Variants in CCDC180 observed in about 807,000 individuals in gnomAD.
CCDC180 encodes the protein coiled-coil domain containing 180, also known as coiled-coil domain-containing protein 180.
CCDC180 carries 154 observed loss-of-function variants against 209.2 expected under a neutral mutation model. That is an observed-to-expected ratio of 0.74 (90% CI 0.65 to 0.84). CCDC180 has a LOEUF of 0.84. CCDC180 is among the 40% of genes least tolerant of loss of function. CCDC180 has a pLI of 0.00. For missense variants in CCDC180, 1,874 were observed against 1,997.3 expected (o/e 0.94, Z 1.18); for synonymous variants, 778 against 749.1 (o/e 1.04, Z -0.63).
Position 97,357,691 on chromosome 9 carries a change from T to A in CCDC180, c.3329T>A (p.Ile1110Lys), listed in dbSNP as rs765345986. The change falls in exon 25 of 37, where the codon ATA (isoleucine) becomes AAA (lysine). Residue 1110 changes from isoleucine to lysine, a missense_variant. Transcript: ENST00000529487. Reference sequence around the variant, plus strand: ...TCTCTGCAACAGCTTCAGAACAAGATAAAAACTTGTCAAGAGTCCAGGGGA... The same window carrying A: ...TCTCTGCAACAGCTTCAGAACAAGAAAAAAACTTGTCAAGAGTCCAGGGGA... ...NFSLQQLQNK[I>K]KTCQESRGEK... is the part of the protein sequence containing the mutation. 3.7e-6 allele frequency: 6 copies of A among 1,613,326 alleles called. No individual in the cohort carries two copies. The highest frequency in any genetic ancestry group is 1.3e-5 in the African/African-American group (1 of 74,888).
At position 97,371,633 on chromosome 9, in the gene CCDC180, C is replaced by G; in HGVS notation, c.4527C>G (p.Asn1509Lys). Residue 1509 changes from asparagine to lysine, a missense_variant, in exon 34 of 37, where the codon AAC becomes AAG. Physicochemically the swap from Asn to Lys is moderately conservative, Grantham distance 94 (BLOSUM62 0). Transcript: ENST00000529487. The stretch of plus-strand genomic sequence containing the variant: ...GGAATGGCCAGGTTTTCATAACCAA[C>G]TTGGCCACCTTCACCGAGAAGTTCC... ...TRRNGQVFIT[N>K]LATFTEKFLL... is the part of the protein sequence containing the mutation. 1.2e-6 allele frequency: 2 copies of G among 1,608,276 alleles called. No homozygotes were observed. The highest frequency in any genetic ancestry group is 1.7e-6 in the Non-Finnish European group (2 of 1,175,256).
At position 97,366,831 on chromosome 9, in the gene CCDC180, A is replaced by T; in HGVS notation, c.4189+131A>T. 1 of 923,284 alleles carries T rather than the reference A, an allele frequency of 1.1e-6. No homozygotes were observed. The highest frequency in any genetic ancestry group is 1.5e-6 in the Non-Finnish European group (1 of 648,662). 57.2% of individuals were successfully genotyped at this position (923,284 alleles called of 1,614,324 possible). A position where few individuals can be genotyped will look rare whatever the true frequency, so the allele number is the denominator to read the frequency against. On this transcript the variant is annotated intron_variant, in intron 31 of 36. Transcript: ENST00000529487. This position sits in a 1 kb window ranked among gnomAD's most constrained non-coding sequence, Gnocchi z 4.3. ...AGAAGAGCTTCCCTGTGAAAAGCTG[A>T]CCTCTTAAAATTAGGTAAAAACAAT...
intron 15 of CCDC180, among the ~76,000 whole-genome samples, 198 bp downstream of exon 15, chr9:97,326,867 T>A (rs1297396800): frequency 1.3e-5 from 2 of 152,298 alleles, no homozygotes; most frequent in African/African-American, 4.8e-5. Context: ...TTTAAAGTTT[T>A]TGGAGGGAGG....
intron 31 of CCDC180, among the ~76,000 whole-genome samples, chr9:97,367,040 T>C (rs1312636731): frequency 6.6e-6 from 1 of 152,194 alleles, no homozygotes; most frequent in Non-Finnish European, 1.5e-5. Context: ...TTTTAGTTTA[T>C]TTACAGAGTT....
chr9:97,362,076 G>A (rs897880584), intron 27 of CCDC180, 120 bp from the exon 28 acceptor site: 11 of 1,437,186 alleles, frequency 7.7e-6, no homozygotes, highest in Middle Eastern at 1.8e-4. Context: ...TCTGAAATGG[G>A]GCTCGTGACA....
At chr9:97,370,129 G>A in intron 32 of CCDC180, 47 bp downstream of exon 32, 1 of 1,582,876 alleles carries the variant, frequency 6.3e-7, no homozygotes, top group South Asian at 1.2e-5. Flanking sequence ...CAGGGGAACT[G>A]GGAGTTCAGA....
At chr9:97,328,546 ACT>A (rs747446988) in intron 16 of CCDC180, among the ~76,000 whole-genome samples, 9 of 151,592 alleles carry the variant, frequency 5.9e-5, no homozygotes, top group Middle Eastern at 3.4e-3. Context: ...CAAAGGCCCC[ACT>A]CTCTCTGCTT....
chr9:97,369,159 A>G (rs1177448372), intron 31 of CCDC180: 1 of 152,238 alleles, frequency 6.6e-6, no homozygotes, highest in Admixed American at 6.5e-5. Flanking sequence ...GGCAAATCCA[A>G]AGAAAATAAC....
upstream of CCDC180, chr9:97,307,387 G>A (rs552391545): frequency 6.5e-5 from 34 of 526,524 alleles, no homozygotes; most frequent in African/African-American, 6.0e-4. Flanking sequence ...TTCTGCAGGC[G>A]GGGACGCGGC....
In CCDC180 at chr9:97,374,245, A is replaced by G; in HGVS notation, c.4601-298A>G. The G allele has an allele frequency of 8.4e-6, 3 of 359,118 alleles. No homozygotes were observed. In the South Asian group the frequency reaches 1.3e-4, roughly 16 times the overall value. 22.2% of individuals were successfully genotyped at this position (359,118 alleles called of 1,614,324 possible). A position where few individuals can be genotyped will look rare whatever the true frequency, so the allele number is the denominator to read the frequency against. On this transcript the variant is annotated intron_variant, in intron 34 of 36. Transcript: ENST00000529487. The stretch of plus-strand genomic sequence containing the variant: ...TAAGCCAAAGAAGTCTCTATGAACC[A>G]TATCCGGGGACTCATGGAAACTGCA...
intron 22 of CCDC180, among the ~76,000 whole-genome samples, chr9:97,353,150 C>T (rs760318689): frequency 6.6e-6 from 1 of 152,066 alleles, no homozygotes; most frequent in Non-Finnish European, 1.5e-5. Flanking sequence ...GCATGTGCCA[C>T]GATGCCCAGC....
Position 97,361,734 on chromosome 9 carries a change from C to T in CCDC180, c.3492C>T (p.Ile1164=). Residue 1164 remains isoleucine (I), a synonymous_variant, in exon 27 of 37, where the codon ATC becomes ATT. Coordinates refer to ENST00000529487, the MANE Select transcript of CCDC180 (RefSeq NM_020893.6). The part of the protein sequence containing the change: ...SMTELVFTNT[I]LKDQEEDSDI... ...TTCTCTCTGGCCTGCAGAACACCAT[C>T]CTGAAGGACCAGGAGGAAGACAGTG... 3 of 1,613,982 alleles carry T rather than the reference C, an allele frequency of 1.9e-6. No individual in the cohort carries two copies. Among genetic ancestry groups the T allele is most frequent in the African/African-American group, 1.3e-5 (1 of 75,056 alleles).
At chr9:97,368,279 G>C (rs376199008) in intron 31 of CCDC180, among the ~76,000 whole-genome samples, 1 of 152,346 alleles carries the variant, frequency 6.6e-6, no homozygotes, top group Admixed American at 6.5e-5. Context: ...GATAAATTGA[G>C]TAGTAACCCT....
At chr9:97,307,917 C>T in intron 1 of CCDC180, 66 bp from the exon 2 acceptor site, 1 of 1,580,216 alleles carries the variant, frequency 6.3e-7, no homozygotes, top group Non-Finnish European at 8.6e-7. Context: ...GGTGCCGCCT[C>T]GAGGCCAGAC....
intron 18 of CCDC180, among the ~76,000 whole-genome samples, chr9:97,341,313 T>G (rs1826071237): frequency 6.6e-6 from 1 of 152,212 alleles, no homozygotes. Context: ...TGTCTTTATT[T>G]CTACACTCTC....
chr9:97,361,507 G>A (rs4742688), intron 26 of CCDC180, among the ~76,000 whole-genome samples: 1 of 152,012 alleles, frequency 6.6e-6, no homozygotes, highest in Non-Finnish European at 1.5e-5. Flanking sequence ...GCAGGCACCC[G>A]GGAAAATTTC....
intron 31 of CCDC180, among the ~76,000 whole-genome samples, chr9:97,367,301 A>T (rs1826950441): frequency 6.6e-6 from 1 of 152,120 alleles, no homozygotes; most frequent in African/African-American, 2.4e-5. Context: ...CCATTGTATG[A>T]ATCTATCACA....
intron 28 of CCDC180, 25 bp downstream of exon 28, chr9:97,362,466 G>A (rs774329324): frequency 3.1e-6 from 5 of 1,605,024 alleles, no homozygotes; most frequent in Non-Finnish European, 3.4e-6. Context: ...AGCCAGAATC[G>A]CCCCTTCCCA....
At chr9:97,325,402 G>T (rs1001650651) in intron 14 of CCDC180, among the ~76,000 whole-genome samples, 2 of 152,190 alleles carry the variant, frequency 1.3e-5, no homozygotes, top group Admixed American at 1.3e-4. Flanking sequence ...CAGACAGATG[G>T]TTCAAGTGAG....
Sources: allele counts gnomAD v4.1 joint callset (sites outside exome capture counted in the v4.1 genomes callset), GRCh38; gene constraint gnomAD v4.1.1; non-coding constraint Gnocchi (gnomAD v3.1); transcripts MANE v1.5; gene names NCBI Gene and HGNC (gene_info 2026-07-23, HGNC 2026-07-21).